Variants in PTPN18 observed in about 807,000 individuals in gnomAD.
PTPN18 encodes protein tyrosine phosphatase non-receptor type 18.
In PTPN18, 65 loss-of-function variants were observed where a neutral mutation model predicts 65.4. The observed-to-expected ratio is 0.99, with a 90% CI of 0.81 to 1.22. The LOEUF is 1.22. PTPN18 is among the 50% of genes most tolerant of loss of function. PTPN18 has a pLI of 0.00. For synonymous variants in PTPN18, 255 were observed against 267.8 expected, an observed-to-expected ratio of 0.95 and a Z score of 0.47; for missense variants, 616 against 646.5, an observed-to-expected ratio of 0.95 and a Z score of 0.51.
At chr2:130,358,591 C>G (rs778129698) in intron 1 of PTPN18, among the ~76,000 whole-genome samples, 3 of 152,110 alleles carry the variant, frequency 2.0e-5, no homozygotes, top group Non-Finnish European at 2.9e-5. Context: ...CATAAACTTT[C>G]CCGCCTGCAC....
chr2:130,356,442 C>A (rs1248934540), intron 1 of PTPN18, among the ~76,000 whole-genome samples: 1 of 152,246 alleles, frequency 6.6e-6, no homozygotes, highest in East Asian at 1.9e-4. Context: ...GGACCGTGCA[C>A]ACCCTCGTTC....
rs759068974 is a variant in PTPN18 at position 130,359,183 on chromosome 2, G to A, written c.203-50G>A. 8.8e-5 allele frequency: 141 copies of A among 1,606,054 alleles called. 1 individual carries two copies. The Middle Eastern group carries it at 2.5e-3, about 28-fold the overall frequency. On this transcript the variant is annotated intron_variant, in intron 2 of 14. Transcript: ENST00000175756. ...CAGCTAGGGGGCTGTCAGAGGCTCC[G>A]TCACCCTATCCTACCCAAACTCCAC...
intron 12 of PTPN18, among the ~76,000 whole-genome samples, chr2:130,371,778 G>A (rs991840789): frequency 4.6e-5 from 7 of 152,210 alleles, no homozygotes; most frequent in African/African-American, 1.7e-4. Flanking sequence ...TCGCACCACG[G>A]CAGTCCAGCC....
In PTPN18 at chr2:130,367,050, A is replaced by ATTTT. The variant is rs57039741; in HGVS notation, c.415-2058_415-2055dup. On this transcript the variant is annotated intron_variant, in intron 5 of 14. Transcript: ENST00000175756. ...TTGCCAACACACCTAGCTAATTTTA[A>ATTTT]TTTTTTTTTTTTTTTTTTTTTTTTT... Among the ~76,000 whole-genome samples, 15 of 104,206 alleles carry ATTTT rather than the reference A, an allele frequency of 1.4e-4. 1 individual carries two copies. The highest frequency in any genetic ancestry group is 4.7e-4 in the African/African-American group (13 of 27,840). 68.4% of individuals were successfully genotyped at this position (104,206 alleles called of 152,430 possible).
At chr2:130,362,193 C>T in intron 5 of PTPN18, 1 of 468,530 alleles carries the variant, frequency 2.1e-6, no homozygotes, top group South Asian at 1.6e-5. Flanking sequence ...TGGTCTCGAA[C>T]TCCTGGCCTC....
intron 5 of PTPN18, among the ~76,000 whole-genome samples, chr2:130,363,926 C>T (rs140225921): frequency 6.6e-6 from 1 of 151,730 alleles, no homozygotes; most frequent in African/African-American, 2.4e-5. Flanking sequence ...CATTTCTTCT[C>T]CCTGATGCTT....
chr2:130,370,190 G>A lies in PTPN18; in HGVS notation c.689G>A (p.Ser230Asn), dbSNP rs1190390539. 6.2e-7 allele frequency: 1 copy of A among 1,610,670 alleles called. No individual in the cohort carries two copies. The highest frequency in any genetic ancestry group is 1.7e-5 in the Admixed American group (1 of 60,020). Reference protein sequence around the residue: ...SGPEPLCVHCSAGCGRTGVLC... With the variant: ...SGPEPLCVHCNAGCGRTGVLC... The stretch of plus-strand genomic sequence containing the variant: ...CCTGAACCCCTCTGTGTCCACTGCA[G>A]GTTTTGGAAATGGGCTTCAGGAGGG... Residue 230 changes from serine (S) to asparagine (N), a missense_variant and splice_region_variant, in exon 8 of 15, where the codon AGT becomes AAT. Ser to Asn is a conservative substitution (Grantham distance 46, BLOSUM62 1). Around this residue, in one of 3 missense-constraint regions of PTPN18, gnomAD observed 368 missense variants for 386.7 expected, o/e 0.95. Coordinates refer to ENST00000175756, the MANE Select transcript of PTPN18 (RefSeq NM_014369.4).
At chr2:130,357,582 C>T (rs1169812653) in intron 1 of PTPN18, among the ~76,000 whole-genome samples, 1 of 152,122 alleles carries the variant, frequency 6.6e-6, no homozygotes. Flanking sequence ...GATGGCCGGG[C>T]ACGGTGGCTC....
intron 5 of PTPN18, among the ~76,000 whole-genome samples, chr2:130,367,311 T>C (rs1439241001): frequency 2.0e-5 from 3 of 152,150 alleles, no homozygotes; most frequent in South Asian, 2.1e-4. Flanking sequence ...TCTGACAAAA[T>C]GTTGCTATAA....
Position 130,358,982 on chromosome 2 carries a change from C to G in PTPN18, c.202+7C>G. 6.2e-7 allele frequency: 1 copy of G among 1,613,362 alleles called. No individual in the cohort carries two copies. The highest frequency in any genetic ancestry group is 8.5e-7 in the Non-Finnish European group (1 of 1,179,440). On this transcript the variant is annotated splice_region_variant and intron_variant, in intron 2 of 14. Coordinates refer to ENST00000175756, the MANE Select transcript of PTPN18 (RefSeq NM_014369.4). ...TACAAAGACGTGCTGCCTTGTAAGT[C>G]GGGGCTTCCGTAGGGAGTCGGTGCA...
In PTPN18 at chr2:130,374,704, C is replaced by A. The variant is rs1434364439; in HGVS notation, c.*1480C>A. 2.1e-6 allele frequency: 1 copy of A among 470,912 alleles called. No homozygotes were observed. The highest frequency in any genetic ancestry group is 1.5e-5 in the South Asian group (1 of 64,562). 29.2% of individuals were successfully genotyped at this position (470,912 alleles called of 1,614,324 possible). A position where few individuals can be genotyped will look rare whatever the true frequency, so the allele number is the denominator to read the frequency against. On this transcript the variant is annotated 3_prime_UTR_variant, in exon 15 of 15. Coordinates refer to ENST00000175756, the MANE Select transcript of PTPN18 (RefSeq NM_014369.4). ...TGACTGACACTGTGCCTGCCCAGGTCCCTGTATGCACTGCCACAGTGCCCT... is the reference window on the plus strand; with the variant it reads ...TGACTGACACTGTGCCTGCCCAGGTACCTGTATGCACTGCCACAGTGCCCT...
intron 12 of PTPN18, 87 bp downstream of exon 12, chr2:130,371,374 T>A: frequency 8.4e-7 from 1 of 1,187,734 alleles, no homozygotes. Flanking sequence ...CCGTTCCTTG[T>A]TCACTTCGCC....
intron 5 of PTPN18, among the ~76,000 whole-genome samples, chr2:130,366,067 C>T (rs1014777777): frequency 6.6e-6 from 1 of 152,152 alleles, no homozygotes; most frequent in Non-Finnish European, 1.5e-5. Context: ...CCCTGCTGTG[C>T]AGAAGAGTTA....
At chr2:130,370,310 C>A in intron 8 of PTPN18, 120 bp downstream of exon 8, 1 of 1,418,850 alleles carries the variant, frequency 7.0e-7, no homozygotes, top group Non-Finnish European at 9.6e-7. Flanking sequence ...CCTTGCTCAC[C>A]CTCCATGGAC....
chr2:130,356,427 G>A (rs2104920113), intron 1 of PTPN18, among the ~76,000 whole-genome samples: 1 of 151,406 alleles, frequency 6.6e-6, no homozygotes, highest in East Asian at 2.0e-4. Context: ...CGGCCAGGCC[G>A]GGACGGACCG....
chr2:130,372,274 G>A lies in PTPN18; in HGVS notation c.1031G>A (p.Gly344Glu). ...GCCTGCAGGAGCATCTCTGTGCCCG[G>A]GTCCCCGGGCCACGCCATGGCTGAC... ...GGVLRSISVPGSPGHAMADTY... is the reference protein window; with the variant it reads ...GGVLRSISVPESPGHAMADTY... The change falls in exon 13 of 15, where the codon GGG (glycine) becomes GAG (glutamate). Residue 344 changes from glycine to glutamate, a missense_variant. Around this residue, in one of 3 missense-constraint regions of PTPN18, gnomAD observed 368 missense variants for 386.7 expected, o/e 0.95. Coordinates refer to ENST00000175756, the MANE Select transcript of PTPN18 (RefSeq NM_014369.4). 6.4e-7 allele frequency: 1 copy of A among 1,569,036 alleles called. No individual in the cohort carries two copies. The highest frequency in any genetic ancestry group is 8.6e-7 in the Non-Finnish European group (1 of 1,166,498).
intron 13 of PTPN18, 127 bp from the exon 14 acceptor site, chr2:130,372,746 G>A: frequency 1.7e-6 from 2 of 1,176,668 alleles, no homozygotes; most frequent in South Asian, 1.3e-5. Flanking sequence ...CGGGGTGTGT[G>A]CCTTCTCCCG....
chr2:130,367,873 C>A (rs1680436551), intron 5 of PTPN18, among the ~76,000 whole-genome samples: 1 of 152,084 alleles, frequency 6.6e-6, no homozygotes, highest in Non-Finnish European at 1.5e-5. Context: ...CCCCCTTTCT[C>A]CTTTCCTTCT....
At position 130,370,133 on chromosome 2, in the gene PTPN18, T is replaced by C. The variant is rs761852592; in HGVS notation, c.632T>C (p.Val211Ala). The C allele has an allele frequency of 6.2e-7, 1 of 1,613,948 alleles. No individual in the cohort carries two copies. Among genetic ancestry groups the C allele is most frequent in the Admixed American group, 1.7e-5 (1 of 60,014 alleles). ...AGTCCTGACCACATGCTCGCCATGG[T>C]GGAGGAAGCCCGTCGCCTCCAGGGA... is the stretch of plus-strand genomic sequence containing the variant. ...PSSPDHMLAM[V>A]EEARRLQGSG... is the part of the protein sequence containing the mutation. Residue 211 changes from valine to alanine, a missense_variant, in exon 8 of 15, where the codon GTG becomes GCG. Val to Ala is a moderately conservative substitution (Grantham distance 64). Around this residue, in one of 3 missense-constraint regions of PTPN18, gnomAD observed 368 missense variants for 386.7 expected, o/e 0.95. Transcript: ENST00000175756.
Sources: gnomAD v4.1 joint callset for allele counts (sites outside exome capture counted in the v4.1 genomes callset) on GRCh38, gnomAD v4.1.1 for gene constraint, gnomAD v4.1.1 regional missense constraint, MANE v1.5 for transcripts, NCBI Gene and HGNC (gene_info 2026-07-23, HGNC 2026-07-21) for gene names.